Variants in NRXN3 observed in about 807,000 individuals in gnomAD.
NRXN3 encodes the protein neurexin 3.
A neutral mutation model predicts 137.6 loss-of-function variants in NRXN3; 32 were observed. That is an observed-to-expected ratio of 0.23 (90% CI 0.18 to 0.31). The LOEUF (loss-of-function observed/expected upper bound fraction) is 0.31. Ranked by LOEUF, NRXN3 falls within the 10% of genes least tolerant of loss-of-function variation. The pLI is 1.00. For missense variants in NRXN3, 1,574 were observed against 2,062.5 expected (o/e 0.76, Z 4.59); for synonymous variants, 798 against 784.5 (o/e 1.02, Z -0.29).
chr14:79,001,452 C>T (rs1223910459), intron 15 of NRXN3, among the ~76,000 whole-genome samples: 1 of 152,178 alleles, frequency 6.6e-6, no homozygotes, highest in Non-Finnish European at 1.5e-5. Flanking sequence ...CTTGAATATT[C>T]ATGGCTTTCT....
intron 4 of NRXN3, among the ~76,000 whole-genome samples, chr14:78,578,156 A>G (rs1230311510): frequency 6.6e-6 from 1 of 152,218 alleles, no homozygotes; most frequent in South Asian, 2.1e-4. Context: ...TTTAAATCAC[A>G]TTAAGGCTCC....
chr14:79,286,556 A>ATATATATC (rs2082292571), intron 15 of NRXN3, among the ~76,000 whole-genome samples: 2 of 148,060 alleles, frequency 1.4e-5, no homozygotes, highest in Non-Finnish European at 1.5e-5. Flanking sequence ...ATATATATAT[A>ATATATATC]TATAGTGTAT....
chr14:79,404,748 G>C (rs192342472), intron 15 of NRXN3, among the ~76,000 whole-genome samples: 1 of 152,182 alleles, frequency 6.6e-6, no homozygotes, highest in Non-Finnish European at 1.5e-5. Flanking sequence ...ACGTGTGCTT[G>C]GTTTGTTTAG....
chr14:79,811,502 A>G (rs1259933506), intron 20 of NRXN3, among the ~76,000 whole-genome samples: 1 of 152,034 alleles, frequency 6.6e-6, no homozygotes, highest in East Asian at 1.9e-4. Context: ...ATGGGAGTAT[A>G]ATGTTCCAGA....
intron 4 of NRXN3, among the ~76,000 whole-genome samples, chr14:78,584,299 T>C (rs2097036634): frequency 6.6e-6 from 1 of 152,222 alleles, no homozygotes; most frequent in Non-Finnish European, 1.5e-5. Flanking sequence ...TGGTCATCAG[T>C]ATTTTCTGTC....
At chr14:79,019,203 C>G (rs1023642459) in intron 15 of NRXN3, among the ~76,000 whole-genome samples, 4 of 152,084 alleles carry the variant, frequency 2.6e-5, no homozygotes, top group Non-Finnish European at 5.9e-5. Context: ...TTGATAAACT[C>G]CTGTGTTGGG....
At position 79,162,231 on chromosome 14, in the gene NRXN3, C is replaced by T. The variant is rs1015705569; in HGVS notation, c.3262+174090C>T. Among the ~76,000 whole-genome samples the T allele has an allele frequency of 1.7e-3, 258 of 150,420 alleles. 1 individual carries two copies. The highest frequency in any genetic ancestry group is 5.7e-3 in the African/African-American group (232 of 40,990). ...TATGTATACATGTGCCATGCTGGTG[C>T]GCTGCACCCACTAACTCGTCATCTA... On this transcript the variant is annotated intron_variant, in intron 15 of 20. Coordinates refer to ENST00000335750, the MANE Select transcript of NRXN3 (RefSeq NM_001330195.2).
chr14:78,260,739 A>G (rs1567108533), intron 2 of NRXN3, among the ~76,000 whole-genome samples: 1 of 152,188 alleles, frequency 6.6e-6, no homozygotes, highest in African/African-American at 2.4e-5. Flanking sequence ...ACCTTCCACC[A>G]TGATTATGAG....
At chr14:78,949,855 AT>A (rs1335592520) in intron 10 of NRXN3, among the ~76,000 whole-genome samples, 1 of 152,112 alleles carries the variant, frequency 6.6e-6, no homozygotes, top group African/African-American at 2.4e-5. Flanking sequence ...TTGGATATAT[AT>A]TTTTTTCTGC....
intron 16 of NRXN3, among the ~76,000 whole-genome samples, chr14:79,540,091 G>T (rs1223174546): frequency 6.6e-6 from 1 of 152,040 alleles, no homozygotes; most frequent in Admixed American, 6.6e-5. Context: ...GTCTATTCAG[G>T]CTTCTGGCAA....
intron 15 of NRXN3, among the ~76,000 whole-genome samples, chr14:79,351,179 T>C (rs1464537658): frequency 1.3e-5 from 2 of 152,224 alleles, no homozygotes; most frequent in Admixed American, 1.3e-4. Flanking sequence ...TAATCTCTGA[T>C]AATGTAACGA....
intron 4 of NRXN3, among the ~76,000 whole-genome samples, chr14:78,583,664 G>C (rs769063702): frequency 2.0e-5 from 3 of 152,120 alleles, no homozygotes; most frequent in Non-Finnish European, 2.9e-5. Flanking sequence ...GTTGATTCTG[G>C]GTATGTCTGC....
chr14:78,298,006 G>C, intron 4 of NRXN3, 146 bp downstream of exon 4: 1 of 839,924 alleles, frequency 1.2e-6, no homozygotes. Flanking sequence ...GGACCACCCT[G>C]CAGTGGGGGT....
intron 15 of NRXN3, among the ~76,000 whole-genome samples, chr14:79,097,590 A>G (rs1372737527): frequency 6.6e-6 from 1 of 152,228 alleles, no homozygotes; most frequent in Non-Finnish European, 1.5e-5. Context: ...GAACTGGATG[A>G]ACCGATAGCA....
At chr14:79,710,887 G>T (rs993085231) in intron 19 of NRXN3, among the ~76,000 whole-genome samples, 3 of 152,140 alleles carry the variant, frequency 2.0e-5, no homozygotes, top group African/African-American at 7.2e-5. Context: ...TGCTTTAGAG[G>T]AACACACAGT....
intron 4 of NRXN3, among the ~76,000 whole-genome samples, chr14:78,308,523 T>G (rs1455929440): frequency 6.6e-6 from 1 of 152,120 alleles, no homozygotes; most frequent in African/African-American, 2.4e-5. Context: ...ACACAGATTA[T>G]TAAACGAATG....
chr14:79,108,151 A>G (rs2052800786), intron 15 of NRXN3, among the ~76,000 whole-genome samples: 6 of 152,194 alleles, frequency 3.9e-5, no homozygotes, highest in Admixed American at 2.6e-4. Context: ...GAATGTCCCT[A>G]TGAACTTAGG....
At chr14:78,967,518 GT>G in intron 13 of NRXN3, 120 bp downstream of exon 13, 1 of 696,300 alleles carries the variant, frequency 1.4e-6, no homozygotes, top group Non-Finnish European at 2.4e-6. Context: ...TCCATATCCT[GT>G]TTTAACAATG....
At chr14:78,204,413 A>G (rs1420426131) in intron 1 of NRXN3, among the ~76,000 whole-genome samples, 1 of 152,156 alleles carries the variant, frequency 6.6e-6, no homozygotes, top group East Asian at 1.9e-4. Flanking sequence ...ATGCAGAAAC[A>G]CTAGATCTCC....
Sources: gnomAD v4.1 joint callset for allele counts (sites outside exome capture counted in the v4.1 genomes callset) on GRCh38, gnomAD v4.1.1 for gene constraint, MANE v1.5 for transcripts, NCBI Gene and HGNC (gene_info 2026-07-23, HGNC 2026-07-21) for gene names.